The following ATXN7 variants were observed in gnomAD, a reference collection of about 807,000 sequenced individuals.
ATXN7 encodes ataxin-7.
Under a neutral mutation model 70.5 loss-of-function variants are expected in ATXN7, and 12 were observed. The observed-to-expected ratio is 0.17, with a 90% confidence interval of 0.11 to 0.28. The LOEUF (loss-of-function observed/expected upper bound fraction) is 0.28, where lower values mean the gene tolerates loss of function less well. Among genes scored for constraint, ATXN7 ranks in the 10% least tolerant of loss-of-function variants. The pLI is 1.00. For missense variants in ATXN7, 1,256 were observed against 1,131.7 expected, an observed-to-expected ratio of 1.11 and a Z score of -1.58; for synonymous variants, 498 against 448.7, an observed-to-expected ratio of 1.11 and a Z score of -1.39.
chr3:63,892,531 C>T (rs952752777), intron 1 of ATXN7, among the ~76,000 whole-genome samples: 7 of 151,396 alleles, frequency 4.6e-5, no homozygotes, highest in South Asian at 2.1e-4. Flanking sequence ...TCCTGTCAAC[C>T]GGAGTACTGG....
chr3:63,891,783 A>G (rs1703274586), intron 1 of ATXN7, among the ~76,000 whole-genome samples: 2 of 152,256 alleles, frequency 1.3e-5, no homozygotes, highest in Non-Finnish European at 2.9e-5. Context: ...AAGGCTTAGT[A>G]GAAGTGGAAG....
chr3:63,916,073 C>T (rs917024379), intron 4 of ATXN7, among the ~76,000 whole-genome samples: 1 of 152,140 alleles, frequency 6.6e-6, no homozygotes, highest in Non-Finnish European at 1.5e-5. Context: ...GGTTAGAAAG[C>T]CTGGATGTGA....
intron 5 of ATXN7, among the ~76,000 whole-genome samples, chr3:63,966,280 G>A (rs892855084): frequency 2.6e-5 from 4 of 152,184 alleles, no homozygotes; most frequent in East Asian, 1.9e-4. Flanking sequence ...TGGCATTAAG[G>A]AGATTCCTTG....
Position 63,996,498 on chromosome 3 carries a change from G to A in ATXN7, c.2661+15G>A, listed in dbSNP as rs772737998. 6.2e-7 allele frequency: 1 copy of A among 1,611,648 alleles called. No individual in the cohort carries two copies. Among genetic ancestry groups the A allele is most frequent in the South Asian group, 1.1e-5 (1 of 90,934 alleles). On this transcript the variant is annotated intron_variant, in intron 12 of 12. Transcript: ENST00000674280. ...TCCTTCATCAGGTAGGAAATGGACT[G>A]TGAGCCCCATGGGAATGCCCATTTC...
intron 12 of ATXN7, chr3:63,998,733 A>G (rs1157145246): frequency 2.1e-6 from 2 of 967,220 alleles, no homozygotes; most frequent in African/African-American, 3.5e-5. Flanking sequence ...CATTTATCGT[A>G]TAGCTTTCAT....
chr3:63,959,613 A>G (rs2075092249), intron 5 of ATXN7, among the ~76,000 whole-genome samples: 1 of 152,122 alleles, frequency 6.6e-6, no homozygotes, highest in Non-Finnish European at 1.5e-5. Context: ...TGCTAATTAA[A>G]TTTTTCAGAT....
At position 64,002,447 on chromosome 3, in the gene ATXN7, G is replaced by A. The variant is rs981447556; in HGVS notation, c.*2980G>A. Reference sequence around the variant, plus strand: ...CCCGATAGACTACATGTAACTAAGTGACACACTGCTTTTCTTTTGTTAGTA... The same window carrying A: ...CCCGATAGACTACATGTAACTAAGTAACACACTGCTTTTCTTTTGTTAGTA... On this transcript the variant is annotated 3_prime_UTR_variant, in exon 13 of 13. Coordinates refer to ENST00000674280, the MANE Select transcript of ATXN7 (RefSeq NM_001377405.1). 7 of 152,360 alleles carry A rather than the reference G, an allele frequency of 4.6e-5. No homozygotes were observed. The highest frequency in any genetic ancestry group is 7.4e-5 in the Non-Finnish European group (5 of 68,020). 9.4% of individuals were successfully genotyped at this position (152,360 alleles called of 1,614,324 possible).
chr3:63,919,707 G>A (rs948171155), intron 4 of ATXN7, among the ~76,000 whole-genome samples: 4 of 149,596 alleles, frequency 2.7e-5, no homozygotes, highest in East Asian at 4.0e-4. Flanking sequence ...CCATTAACTC[G>A]TCATTTAGCA....
Position 63,982,958 on chromosome 3 carries a change from C to T in ATXN7, c.1032C>T (p.Asp344=). 1 of 1,614,032 alleles carries T rather than the reference C, an allele frequency of 6.2e-7. No individual in the cohort carries two copies. Among genetic ancestry groups the T allele is most frequent in the Non-Finnish European group, 8.5e-7 (1 of 1,179,944 alleles). Residue 344 remains aspartate (D), a synonymous_variant, in exon 8 of 13, where the codon GAC becomes GAT. Coordinates refer to ENST00000674280, the MANE Select transcript of ATXN7 (RefSeq NM_001377405.1). The part of the protein sequence containing the change: ...KRLSEREFDP[D]IHCGVIDLDT... The stretch of plus-strand genomic sequence containing the variant: ...TGACAGAAAGAGAGTTTGATCCTGA[C>T]ATCCACTGTGGGGTTATTGATCTCG...
chr3:63,966,311 A>T (rs1041506757), intron 5 of ATXN7, among the ~76,000 whole-genome samples: 1 of 152,188 alleles, frequency 6.6e-6, no homozygotes, highest in Non-Finnish European at 1.5e-5. Flanking sequence ...CAGGGAGGGC[A>T]GGTGAAGTAG....
intron 4 of ATXN7, among the ~76,000 whole-genome samples, chr3:63,913,686 G>C (rs1193716835): frequency 6.6e-6 from 1 of 152,194 alleles, no homozygotes; most frequent in Non-Finnish European, 1.5e-5. Flanking sequence ...GGGGATGTTA[G>C]AAAAAGGTCA....
chr3:63,940,698 A>G (rs765837517), intron 4 of ATXN7, among the ~76,000 whole-genome samples: 42 of 152,316 alleles, frequency 2.8e-4, no homozygotes, highest in African/African-American at 9.1e-4. Flanking sequence ...AGTTGATACT[A>G]TCATTTTCAA....
At chr3:63,899,270 C>G (rs1188681681) in intron 2 of ATXN7, among the ~76,000 whole-genome samples, 2 of 151,810 alleles carry the variant, frequency 1.3e-5, no homozygotes, top group East Asian at 3.9e-4. Flanking sequence ...CTATGTTGGC[C>G]AGACTGGTCT....
intron 1 of ATXN7, among the ~76,000 whole-genome samples, chr3:63,888,094 C>T (rs544446579): frequency 6.6e-6 from 1 of 152,220 alleles, no homozygotes; most frequent in East Asian, 1.9e-4. Flanking sequence ...TCACTCCCTT[C>T]TTCTCCCATC....
intron 1 of ATXN7, among the ~76,000 whole-genome samples, chr3:63,896,400 C>CT (rs1703450569): frequency 6.6e-6 from 1 of 152,110 alleles, no homozygotes; most frequent in Admixed American, 6.5e-5. Context: ...AAAATGATTT[C>CT]TTTTTAACTA....
intron 1 of ATXN7, among the ~76,000 whole-genome samples, chr3:63,869,101 A>T (rs1003616924): frequency 1.6e-4 from 24 of 152,182 alleles, no homozygotes; most frequent in Admixed American, 3.9e-4. Flanking sequence ...TGCTTCTACT[A>T]TTTCTATAGT....
chr3:63,984,652 G>A (rs1435834553), intron 8 of ATXN7, among the ~76,000 whole-genome samples: 2 of 152,202 alleles, frequency 1.3e-5, no homozygotes, highest in African/African-American at 4.8e-5. Flanking sequence ...TTTACAAAGC[G>A]TGGCAGGGAA....
chr3:63,895,562 G>GGGGGCA (rs911127724), intron 1 of ATXN7, among the ~76,000 whole-genome samples: 5 of 151,984 alleles, frequency 3.3e-5, no homozygotes, highest in African/African-American at 1.2e-4. Flanking sequence ...AGGTGGGGGC[G>GGGGGCA]GGGGCACTTA....
chr3:63,989,931 A>G (rs538108381), intron 9 of ATXN7, among the ~76,000 whole-genome samples: 17 of 152,322 alleles, frequency 1.1e-4, no homozygotes, highest in African/African-American at 3.8e-4. Context: ...CCAAATGGCA[A>G]TAGAAAGGAT....
Sources: gnomAD v4.1 joint callset for allele counts (sites outside exome capture counted in the v4.1 genomes callset) on GRCh38, gnomAD v4.1.1 for gene constraint, MANE v1.5 for transcripts, NCBI Gene and HGNC (gene_info 2026-07-23, HGNC 2026-07-21) for gene names.